The following MGMT variants were observed in gnomAD, a reference collection of about 807,000 sequenced individuals.
MGMT encodes the protein O-6-methylguanine-DNA methyltransferase.
In MGMT, 14 loss-of-function variants were observed where a neutral mutation model predicts 15.9. The observed-to-expected ratio is 0.88, with a 90% confidence interval of 0.58 to 1.37. The LOEUF is 1.37. MGMT is among the 40% of genes most tolerant of loss of function. The pLI, the probability that MGMT is intolerant of heterozygous loss-of-function variation, is 0.00. For missense variants in MGMT, 282 were observed against 268.1 expected (o/e 1.05, Z -0.36); for synonymous variants, 130 against 118.2 (o/e 1.10, Z -0.65).
chr10:129,530,443 C>A (rs147813747), intron 1 of MGMT, among the ~76,000 whole-genome samples: 54 of 152,308 alleles, frequency 3.5e-4, no homozygotes, highest in African/African-American at 1.2e-3. Flanking sequence ...TTGTCTCCTT[C>A]CAGTTTCTGG....
chr10:129,706,440 C>G lies in MGMT; in HGVS notation c.126-1455C>G, dbSNP rs575988334. ...CTCAGCGCACGCCCCCCAAGGCAGCCCAGGAAGGAAGGGTGAAGGGCCCGC... is the reference window on the plus strand; with the variant it reads ...CTCAGCGCACGCCCCCCAAGGCAGCGCAGGAAGGAAGGGTGAAGGGCCCGC... On this transcript the variant is annotated intron_variant, in intron 2 of 4. Transcript: ENST00000651593. 2.0e-5 allele frequency among the ~76,000 whole-genome samples: 3 copies of G among 152,036 alleles called. No homozygotes were observed. The East Asian group carries it at 5.8e-4, about 29-fold the overall frequency.
intron 2 of MGMT, among the ~76,000 whole-genome samples, chr10:129,607,714 G>T (rs561416369): frequency 1.3e-5 from 2 of 152,330 alleles, no homozygotes; most frequent in African/African-American, 4.8e-5. Context: ...GTTTCCCTTG[G>T]ACAGCTGCTC....
At chr10:129,633,159 A>G (rs527926788) in intron 2 of MGMT, among the ~76,000 whole-genome samples, 1 of 152,216 alleles carries the variant, frequency 6.6e-6, no homozygotes, top group African/African-American at 2.4e-5. Context: ...CCTTCTCAGT[A>G]CTCCCACTTT....
intron 1 of MGMT, among the ~76,000 whole-genome samples, chr10:129,480,818 G>A (rs182526017): frequency 3.5e-4 from 54 of 152,314 alleles, no homozygotes; most frequent in Non-Finnish European, 6.8e-4. Flanking sequence ...GAAAACATCC[G>A]CCAGATATGC....
chr10:129,495,348 G>A (rs1845509452), intron 1 of MGMT, among the ~76,000 whole-genome samples: 1 of 152,192 alleles, frequency 6.6e-6, no homozygotes, highest in African/African-American at 2.4e-5. Flanking sequence ...GTGAAACTGG[G>A]TTAAGTTATT....
At chr10:129,496,027 A>G (rs1316748899) in intron 1 of MGMT, among the ~76,000 whole-genome samples, 1 of 152,212 alleles carries the variant, frequency 6.6e-6, no homozygotes, top group African/African-American at 2.4e-5. Context: ...CTCCCCCTGC[A>G]CACAGCTGTC....
Position 129,707,942 on chromosome 10 carries a change from C to A in MGMT, c.173C>A (p.Pro58His), listed in dbSNP as rs766218662. ...GCTGCGGTTCTCGGAGGTCCGGAGCCCCTGATGCAGTGCACAGCCTGGCTG... is the reference window on the plus strand; with the variant it reads ...GCTGCGGTTCTCGGAGGTCCGGAGCACCTGATGCAGTGCACAGCCTGGCTG... Reference protein sequence around the residue: ...APAAVLGGPEPLMQCTAWLNA... With the variant: ...APAAVLGGPEHLMQCTAWLNA... The change falls in exon 3 of 5, where the codon CCC becomes CAC. Residue 58 changes from proline to histidine, a missense_variant. Coordinates refer to ENST00000651593, the MANE Select transcript of MGMT (RefSeq NM_002412.5). The A allele has an allele frequency of 6.8e-6, 11 of 1,612,718 alleles. No individual in the cohort carries two copies. The South Asian group carries it at 1.1e-4, about 16-fold the overall frequency.
chr10:129,733,375 C>A (rs1367654883), intron 3 of MGMT, among the ~76,000 whole-genome samples: 1 of 152,044 alleles, frequency 6.6e-6, no homozygotes, highest in Non-Finnish European at 1.5e-5. Flanking sequence ...AGTGTCTGTT[C>A]ATGTCCTTCG....
intron 1 of MGMT, among the ~76,000 whole-genome samples, chr10:129,474,355 A>G (rs1845265917): frequency 6.6e-6 from 1 of 152,166 alleles, no homozygotes; most frequent in African/African-American, 2.4e-5. Context: ...TCCAGGAGGT[A>G]TAGCTGGGGT....
chr10:129,547,436 T>A (rs1846109438), intron 2 of MGMT, among the ~76,000 whole-genome samples: 1 of 152,170 alleles, frequency 6.6e-6, no homozygotes, highest in Non-Finnish European at 1.5e-5. Context: ...GTAGAAAGGC[T>A]TATGGACTGT....
intron 2 of MGMT, among the ~76,000 whole-genome samples, chr10:129,646,754 A>ATATATATATATATATTTTTTTTTTTTTT: frequency 6.9e-5 from 6 of 86,652 alleles, no homozygotes; most frequent in Admixed American, 1.2e-4. Flanking sequence ...ATATATATAT[A>ATATATATATATATATTTTTTTTTTTTTT]TTTTCAGGGA....
chr10:129,600,570 T>TA (rs1179394596), intron 2 of MGMT, among the ~76,000 whole-genome samples: 9 of 152,376 alleles, frequency 5.9e-5, no homozygotes, highest in African/African-American at 2.2e-4. Flanking sequence ...CTGGTGAGCC[T>TA]ATTTCTTTGC....
At chr10:129,720,863 A>G (rs1848361640) in intron 3 of MGMT, among the ~76,000 whole-genome samples, 1 of 152,000 alleles carries the variant, frequency 6.6e-6, no homozygotes, top group South Asian at 2.1e-4. Flanking sequence ...CCCTGCCCCT[A>G]CTGAGAGCTC....
At chr10:129,698,682 G>A (rs946248993) in intron 2 of MGMT, among the ~76,000 whole-genome samples, 8 of 152,158 alleles carry the variant, frequency 5.3e-5, no homozygotes, top group African/African-American at 1.7e-4. Context: ...TAATAATAGC[G>A]TTTCTAGAAG....
At chr10:129,722,422 C>T (rs1232976640) in intron 3 of MGMT, among the ~76,000 whole-genome samples, 4 of 151,720 alleles carry the variant, frequency 2.6e-5, no homozygotes, top group South Asian at 4.2e-4. Context: ...TTGGAAGAGG[C>T]GGTGTTACGG....
intron 1 of MGMT, among the ~76,000 whole-genome samples, chr10:129,515,474 C>T (rs1052535570): frequency 1.3e-5 from 2 of 151,976 alleles, no homozygotes; most frequent in African/African-American, 4.8e-5. Context: ...AGCACGTGTC[C>T]TGTCTCATTA....
At chr10:129,468,713 A>T (rs1762437) in intron 1 of MGMT, among the ~76,000 whole-genome samples, 1 of 152,026 alleles carries the variant, frequency 6.6e-6, no homozygotes, top group African/African-American at 2.4e-5. Flanking sequence ...GGTGAAACCC[A>T]GTTTCTACTA....
At chr10:129,620,648 G>T (rs1252601071) in intron 2 of MGMT, among the ~76,000 whole-genome samples, 1 of 152,060 alleles carries the variant, frequency 6.6e-6, no homozygotes, top group Non-Finnish European at 1.5e-5. Context: ...TAGCTTTCTT[G>T]TGATTTGCCT....
intron 1 of MGMT, among the ~76,000 whole-genome samples, chr10:129,487,987 A>ACACACG (rs1845428466): frequency 7.7e-6 from 1 of 130,694 alleles, no homozygotes; most frequent in Middle Eastern, 3.4e-3. Context: ...GTATACACAC[A>ACACACG]CACACACACA....
Sources: allele counts gnomAD v4.1 joint callset (sites outside exome capture counted in the v4.1 genomes callset), GRCh38; gene constraint gnomAD v4.1.1; transcripts MANE v1.5; gene names NCBI Gene and HGNC (gene_info 2026-07-23, HGNC 2026-07-21).